Variants in BCAR3 observed in about 807,000 individuals in gnomAD.
BCAR3 encodes the protein BCAR3 adaptor protein, NSP family member, also known as breast cancer anti-estrogen resistance protein 3.
A neutral mutation model predicts 80.1 loss-of-function variants in BCAR3; 37 were observed. The ratio of observed to expected loss-of-function variants is 0.46; its 90% CI spans 0.36 to 0.61. The LOEUF (loss-of-function observed/expected upper bound fraction) is 0.61. Among genes scored for constraint, BCAR3 ranks in the 20% least tolerant of loss-of-function variants. The pLI, the probability that BCAR3 is intolerant of heterozygous loss-of-function variation, is 0.00. For synonymous variants in BCAR3, 389 were observed against 418.9 expected (o/e 0.93, Z 0.87); for missense variants, 978 against 1,068.2 (o/e 0.92, Z 1.18).
chr1:93,811,309 G>A (rs970432911), intron 2 of BCAR3, among the ~76,000 whole-genome samples: 8 of 152,186 alleles, frequency 5.3e-5, no homozygotes, highest in Admixed American at 2.6e-4. Flanking sequence ...GTGGAGAGGG[G>A]TGAATGCTGT....
At chr1:93,777,401 C>CCTCCTCCTCCTT (rs1239760020) in intron 2 of BCAR3, among the ~76,000 whole-genome samples, 5 of 124,710 alleles carry the variant, frequency 4.0e-5, no homozygotes, top group Admixed American at 7.4e-5. Context: ...TCTTCTTCCT[C>CCTCCTCCTCCTT]TTCCTCCTCC....
chr1:93,675,923 GACAAAAAAAAAA>G (rs1362967119), intron 1 of BCAR3, among the ~76,000 whole-genome samples: 1 of 19,324 alleles, frequency 5.2e-5, no homozygotes, highest in African/African-American at 2.8e-4. Context: ...AGAAATAGGA[GACAAAAAAAAAA>G]AAAAAAAAAA....
intron 2 of BCAR3, among the ~76,000 whole-genome samples, chr1:93,786,192 CAAAAAAA>C (rs61644309): frequency 2.6e-4 from 6 of 23,250 alleles, no homozygotes; most frequent in Admixed American, 6.8e-4. Flanking sequence ...GACTCCGTCT[CAAAAAAA>C]AAAAAAAAAA....
chr1:93,669,574 G>A (rs925720678), intron 2 of BCAR3, among the ~76,000 whole-genome samples: 4 of 152,166 alleles, frequency 2.6e-5, no homozygotes, highest in East Asian at 1.9e-4. Context: ...ACAAGAGGCC[G>A]AAGGAATTAG....
intron 2 of BCAR3, among the ~76,000 whole-genome samples, chr1:93,655,229 G>T (rs1301307287): frequency 6.6e-6 from 1 of 152,176 alleles, no homozygotes; most frequent in African/African-American, 2.4e-5. Flanking sequence ...AGGATCTTAA[G>T]CTGGAAAATA....
chr1:93,661,490 CTT>C (rs113706605), intron 2 of BCAR3, among the ~76,000 whole-genome samples: 15 of 140,868 alleles, frequency 1.1e-4, no homozygotes, highest in Admixed American at 1.4e-4. Context: ...CCCAGTGTAG[CTT>C]TTTTTTTTTT....
chr1:93,577,570 T>C (rs1673507255), intron 7 of BCAR3, among the ~76,000 whole-genome samples: 1 of 152,194 alleles, frequency 6.6e-6, no homozygotes, highest in Non-Finnish European at 1.5e-5. Context: ...CAGATAACTT[T>C]AGAACCCCTA....
chr1:93,712,954 T>C (rs1051340146), intron 2 of BCAR3, among the ~76,000 whole-genome samples: 1 of 152,236 alleles, frequency 6.6e-6, no homozygotes, highest in Non-Finnish European at 1.5e-5. Context: ...GTTATCAGCA[T>C]TTTCTTCAAA....
intron 2 of BCAR3, among the ~76,000 whole-genome samples, chr1:93,731,209 G>A (rs1650777544): frequency 6.6e-6 from 1 of 152,162 alleles, no homozygotes; most frequent in Admixed American, 6.5e-5. Context: ...TATCCTGGAT[G>A]GGATTCTGGA....
chr1:93,798,179 T>C (rs972793358), intron 2 of BCAR3, among the ~76,000 whole-genome samples: 79 of 152,240 alleles, frequency 5.2e-4, no homozygotes, highest in African/African-American at 1.7e-3. Flanking sequence ...AAAGGCAAAA[T>C]AGGGATGTGC....
At chr1:93,621,535 C>T (rs1675311913) in intron 3 of BCAR3, among the ~76,000 whole-genome samples, 2 of 152,190 alleles carry the variant, frequency 1.3e-5, no homozygotes, top group Admixed American at 1.3e-4. Context: ...ATAAAGCACC[C>T]TGGCTGGCCA....
chr1:93,585,626 A>G (rs1673909556), intron 5 of BCAR3, among the ~76,000 whole-genome samples: 1 of 152,222 alleles, frequency 6.6e-6, no homozygotes, highest in Non-Finnish European at 1.5e-5. Flanking sequence ...CAAAGGAAAC[A>G]GAAGAAAAGG....
chr1:93,586,031 T>C lies in BCAR3; in HGVS notation c.930-1910A>G, dbSNP rs1053420811. Among the ~76,000 whole-genome samples the C allele has an allele frequency of 6.6e-6, 1 of 152,214 alleles. No individual in the cohort carries two copies. Among genetic ancestry groups the C allele is most frequent in the Admixed American group, 6.5e-5 (1 of 15,288 alleles). ...CATGGAGAATGGGGTATCCATGCCC[T>C]CTAGCATTTATCCTTTGAGTTACAA... On this transcript the variant is annotated intron_variant, in intron 5 of 11. Coordinates refer to ENST00000260502, the MANE Select transcript of BCAR3 (RefSeq NM_003567.4). The surrounding 1 kb of genome is among the most constrained non-coding windows in gnomAD (Gnocchi z 4.2).
chr1:93,732,696 CA>C (rs1650831573), intron 2 of BCAR3, among the ~76,000 whole-genome samples: 1 of 152,190 alleles, frequency 6.6e-6, no homozygotes, highest in African/African-American at 2.4e-5. Context: ...ACGACTTCAG[CA>C]GTTGCCTTGA....
intron 5 of BCAR3, among the ~76,000 whole-genome samples, chr1:93,585,596 A>C (rs1283287547): frequency 6.6e-6 from 1 of 152,186 alleles, no homozygotes; most frequent in Non-Finnish European, 1.5e-5. Flanking sequence ...TGCTTCGACC[A>C]TTCAGCAGCC....
intron 3 of BCAR3, among the ~76,000 whole-genome samples, chr1:93,596,119 T>C (rs867451258): frequency 3.9e-5 from 6 of 152,218 alleles, no homozygotes; most frequent in Admixed American, 6.5e-5. Context: ...TTGATCTAAG[T>C]TCTAATTTAT....
rs779361838 is a variant in BCAR3, at chr1:93,582,382, T to A, written c.1605A>T (p.Ala535=). 2.5e-6 allele frequency: 4 copies of A among 1,614,098 alleles called. No homozygotes were observed. The change falls in exon 7 of 12, where the codon GCA becomes GCT. Residue 535 remains alanine (A), a synonymous_variant. Transcript: ENST00000260502. ...ACAGTTCTTTTGCACGTTTCAACAT[T>A]GCTGTTTCCAGGGGCTTATTCTCAG... ...LPPENKPLET[A]MLKRAKELFT...
chr1:93,693,489 G>A (rs1195054551), intron 3 of BCAR3, among the ~76,000 whole-genome samples: 1 of 152,194 alleles, frequency 6.6e-6, no homozygotes, highest in Non-Finnish European at 1.5e-5. Flanking sequence ...GGAAGGAAAT[G>A]AGTGAACAAT....
chr1:93,732,683 A>G (rs1650830450), intron 2 of BCAR3, among the ~76,000 whole-genome samples: 1 of 152,228 alleles, frequency 6.6e-6, no homozygotes, highest in Admixed American at 6.5e-5. Context: ...AGGACTGAGA[A>G]AAACGACTTC....
Sources: allele counts gnomAD v4.1 joint callset (sites outside exome capture counted in the v4.1 genomes callset), GRCh38; gene constraint gnomAD v4.1.1; non-coding constraint Gnocchi (gnomAD v3.1); transcripts MANE v1.5; gene names NCBI Gene and HGNC (gene_info 2026-07-23, HGNC 2026-07-21).